DIP2B: variants seen among roughly 807,000 people sequenced by gnomAD.
The protein encoded by DIP2B is disco-interacting protein 2 homolog B.
A neutral mutation model predicts 198.0 loss-of-function variants in DIP2B; 76 were observed. The observed-to-expected ratio is 0.38, with a 90% CI of 0.32 to 0.46. The LOEUF (loss-of-function observed/expected upper bound fraction) is 0.46. Ranked by LOEUF, DIP2B falls within the 20% of genes least tolerant of loss-of-function variation. The pLI is 0.99. For missense variants in DIP2B, 1,559 were observed against 1,978.4 expected (o/e 0.79, Z 4.02); for synonymous variants, 701 against 739.1 (o/e 0.95, Z 0.84).
chr12:50,718,381 G>A (rs1939773014), intron 23 of DIP2B, among the ~76,000 whole-genome samples: 1 of 152,144 alleles, frequency 6.6e-6, no homozygotes, highest in African/African-American at 2.4e-5. Flanking sequence ...CCTCCTCAGA[G>A]TGAAAAATTC....
At chr12:50,666,271 T>C (rs1938750748) in intron 4 of DIP2B, among the ~76,000 whole-genome samples, 1 of 152,202 alleles carries the variant, frequency 6.6e-6, no homozygotes, top group Admixed American at 6.5e-5. Flanking sequence ...AGTGTACCAG[T>C]CAAAGGGCTA....
At chr12:50,508,712 CT>C (rs35206160) in intron 1 of DIP2B, among the ~76,000 whole-genome samples, 39 of 146,766 alleles carry the variant, frequency 2.7e-4, no homozygotes, top group African/African-American at 2.3e-4. Context: ...GAAATGCTAC[CT>C]TTTTTTTTTT....
intron 1 of DIP2B, among the ~76,000 whole-genome samples, chr12:50,560,109 T>C (rs984882909): frequency 2.6e-5 from 4 of 152,052 alleles, no homozygotes; most frequent in Admixed American, 1.3e-4. Flanking sequence ...AAACCCCATC[T>C]CTACTAAAAA....
In DIP2B at chr12:50,708,493, G is replaced by C. The variant is rs372769066; in HGVS notation, c.2580G>C (p.Val860=). 5 of 1,608,444 alleles carry C rather than the reference G, an allele frequency of 3.1e-6. No individual in the cohort carries two copies. Among genetic ancestry groups the C allele is most frequent in the African/African-American group, 1.3e-5 (1 of 74,886 alleles). ...CTGTATTTTATGATGAGCGCATTGT[G>C]GTGGTTGCGGAACAAAGACCTGATG... is the stretch of plus-strand genomic sequence containing the variant. ...SVSVFYDERI[V]VVAEQRPDAS... is the part of the protein sequence containing the mutation. The change falls in exon 22 of 38, where the codon GTG becomes GTC. Residue 860 remains valine, a synonymous_variant. Transcript: ENST00000301180.
At position 50,671,174 on chromosome 12, in the gene DIP2B, A is replaced by T. The variant is rs199779869; in HGVS notation, c.428-12A>T. 4 of 1,611,914 alleles carry T rather than the reference A, an allele frequency of 2.5e-6. No homozygotes were observed. The East Asian group carries it at 8.9e-5, about 36-fold the overall frequency. On this transcript the variant is annotated splice_polypyrimidine_tract_variant and intron_variant, in intron 4 of 37. Transcript: ENST00000301180. ...TAGGATCGAGAACTTCTTTTTTTCT[A>T]ATTCCACACAGACACATCTTCGGCC... is the stretch of plus-strand genomic sequence containing the variant.
chr12:50,692,844 A>G, intron 13 of DIP2B, 105 bp from the exon 14 acceptor site: 1 of 1,007,348 alleles, frequency 9.9e-7, no homozygotes, highest in Non-Finnish European at 1.5e-6. Flanking sequence ...TCTAAAAGAA[A>G]AAGCAAACAA....
intron 1 of DIP2B, among the ~76,000 whole-genome samples, chr12:50,593,910 C>A (rs1593639079): frequency 3.9e-5 from 2 of 50,936 alleles, no homozygotes; most frequent in South Asian, 1.0e-3. Flanking sequence ...TCCTCCCCTC[C>A]CCTCTCCTTT....
At chr12:50,568,734 C>T (rs2139405242) in intron 1 of DIP2B, among the ~76,000 whole-genome samples, 1 of 152,256 alleles carries the variant, frequency 6.6e-6, no homozygotes, top group South Asian at 2.1e-4. Context: ...GTGTTGTAAT[C>T]TGGGAAGGAG....
chr12:50,709,335 A>C (rs1288471662), intron 22 of DIP2B, among the ~76,000 whole-genome samples: 1 of 152,144 alleles, frequency 6.6e-6, no homozygotes, highest in Non-Finnish European at 1.5e-5. Flanking sequence ...GTTTTTTTCT[A>C]AATTATCCAG....
chr12:50,683,916 A>G (rs1014630327), intron 10 of DIP2B, among the ~76,000 whole-genome samples: 3 of 152,172 alleles, frequency 2.0e-5, no homozygotes, highest in Non-Finnish European at 4.4e-5. Flanking sequence ...GGTTGAGAGC[A>G]GCCTAGGCAA....
At chr12:50,680,602 A>G (rs1434623971) in intron 8 of DIP2B, 70 bp from the exon 9 acceptor site, 3 of 1,391,280 alleles carry the variant, frequency 2.2e-6, no homozygotes, top group African/African-American at 2.9e-5. Flanking sequence ...GATGATCTGA[A>G]TGTTCTTTCA....
chr12:50,533,469 T>A (rs1958236097), intron 1 of DIP2B, among the ~76,000 whole-genome samples: 1 of 152,166 alleles, frequency 6.6e-6, no homozygotes, highest in Non-Finnish European at 1.5e-5. Context: ...GCATTTTGTG[T>A]GTGTTTGCAT....
At chr12:50,576,781 G>A (rs895079994) in intron 1 of DIP2B, among the ~76,000 whole-genome samples, 1 of 151,894 alleles carries the variant, frequency 6.6e-6, no homozygotes, top group African/African-American at 2.4e-5. Context: ...GCGCCCAGCC[G>A]GTCTGACCCT....
At chr12:50,619,353 C>T (rs923426665) in intron 1 of DIP2B, among the ~76,000 whole-genome samples, 1 of 152,174 alleles carries the variant, frequency 6.6e-6, no homozygotes, top group Non-Finnish European at 1.5e-5. Context: ...TGGCCATGCC[C>T]ATACAGAGCC....
intron 1 of DIP2B, among the ~76,000 whole-genome samples, chr12:50,573,396 C>T (rs1479247973): frequency 6.6e-6 from 1 of 152,214 alleles, no homozygotes; most frequent in Admixed American, 6.5e-5. Flanking sequence ...CTTGCCATTC[C>T]AAATTCTGTT....
chr12:50,508,818 G>T (rs1957990192), intron 1 of DIP2B, among the ~76,000 whole-genome samples: 1 of 151,646 alleles, frequency 6.6e-6, no homozygotes, highest in African/African-American at 2.4e-5. Flanking sequence ...TGATTCTCCT[G>T]CCTCAGCCTT....
At chr12:50,585,689 A>G (rs1213551116) in intron 1 of DIP2B, among the ~76,000 whole-genome samples, 1 of 152,188 alleles carries the variant, frequency 6.6e-6, no homozygotes, top group Non-Finnish European at 1.5e-5. Context: ...TAAGGAGTTT[A>G]GTTTTTATTC....
chr12:50,660,114 G>A (rs377565934), intron 3 of DIP2B, 80 bp from the exon 4 acceptor site: 3 of 1,059,294 alleles, frequency 2.8e-6, no homozygotes, highest in Admixed American at 3.2e-5. Flanking sequence ...TTAAACAATT[G>A]AGGCAGTGAT....
intron 1 of DIP2B, among the ~76,000 whole-genome samples, chr12:50,538,591 T>A (rs1283336433): frequency 6.6e-6 from 1 of 152,088 alleles, no homozygotes; most frequent in Non-Finnish European, 1.5e-5. Flanking sequence ...CCATGAGAAA[T>A]TTACCCATTT....
Sources: allele counts gnomAD v4.1 joint callset (sites outside exome capture counted in the v4.1 genomes callset), GRCh38; gene constraint gnomAD v4.1.1; transcripts MANE v1.5; gene names NCBI Gene and HGNC (gene_info 2026-07-23, HGNC 2026-07-21).